Variants in PICALM observed in about 807,000 individuals in gnomAD.
The protein encoded by PICALM is phosphatidylinositol binding clathrin assembly protein.
Under a neutral mutation model 80.5 loss-of-function variants are expected in PICALM, and 40 were observed. The ratio of observed to expected loss-of-function variants is 0.50; its 90% CI spans 0.39 to 0.65. The LOEUF is 0.65. Ranked by LOEUF, PICALM falls within the 30% of genes least tolerant of loss-of-function variation. The pLI, the probability that PICALM is intolerant of heterozygous loss-of-function variation, is 0.00. For synonymous variants in PICALM, 288 were observed against 260.3 expected (o/e 1.11, Z -1.02); for missense variants, 676 against 778.9 (o/e 0.87, Z 1.57).
At chr11:86,015,371 ACT>A (rs1248432762) in intron 4 of PICALM, among the ~76,000 whole-genome samples, 1 of 152,206 alleles carries the variant, frequency 6.6e-6, no homozygotes, top group Non-Finnish European at 1.5e-5. Flanking sequence ...ACAGTTAAAC[ACT>A]CTGTAGGCCA....
intron 1 of PICALM, among the ~76,000 whole-genome samples, chr11:86,050,907 C>G (rs1032405742): frequency 1.3e-5 from 2 of 152,134 alleles, no homozygotes; most frequent in Non-Finnish European, 2.9e-5. Context: ...AAGGTGGCCT[C>G]AAACTACTGG....
Position 85,957,842 on chromosome 11 carries a change from C to A in PICALM, c.*1204G>T. ...ACAATGAACTGTCCTTCTTAAGGCC[C>A]CTCTCCACCCAAATGTTAAAGATGT... On this transcript the variant is annotated 3_prime_UTR_variant, in exon 20 of 20. Coordinates refer to ENST00000393346, the MANE Select transcript of PICALM (RefSeq NM_007166.4). 4.5e-6 allele frequency: 1 copy of A among 223,836 alleles called. No homozygotes were observed. The highest frequency in any genetic ancestry group is 8.9e-6 in the Non-Finnish European group (1 of 111,908). The allele number at this position is 223,836 out of a possible 1,614,324, so 13.9% of individuals were successfully genotyped here. A position where few individuals can be genotyped will look rare whatever the true frequency, so the allele number is the denominator to read the frequency against.
chr11:86,054,010 TC>T (rs2096233055), intron 1 of PICALM, among the ~76,000 whole-genome samples: 1 of 152,194 alleles, frequency 6.6e-6, no homozygotes, highest in South Asian at 2.1e-4. Flanking sequence ...ATTTAACAAA[TC>T]TTATTTATTC....
Position 86,022,469 on chromosome 11 carries a change from C to A in PICALM, c.350G>T (p.Gly117Val). 6.8e-7 allele frequency: 1 copy of A among 1,460,202 alleles called. No homozygotes were observed. Among genetic ancestry groups the A allele is most frequent in the South Asian group, 1.3e-5 (1 of 75,300 alleles). The allele number at this position is 1,460,202 out of a possible 1,614,324, so 90.5% of individuals were successfully genotyped here. Residue 117 changes from glycine to valine, a missense_variant and splice_region_variant, in exon 4 of 20, where the codon GGA becomes GTA. Gly to Val is a moderately radical substitution (Grantham distance 109). Transcript: ENST00000393346. ...CCTAATAAATGTAGACATGTCATAT[C>A]CTGTAAAAAAACAAAAACAAAAACA... ...SNFLDKSGLQ[G>V]YDMSTFIRRY...
chr11:85,974,913 G>T, intron 18 of PICALM, 101 bp from the exon 19 acceptor site: 1 of 803,702 alleles, frequency 1.2e-6, no homozygotes, highest in Non-Finnish European at 2.2e-6. Flanking sequence ...TAGTACCTTT[G>T]CTTGACTCAA....
intron 17 of PICALM, among the ~76,000 whole-genome samples, chr11:85,980,210 C>T (rs1364240702): frequency 3.9e-5 from 6 of 152,160 alleles, no homozygotes; most frequent in African/African-American, 1.4e-4. Flanking sequence ...GACACTCTGC[C>T]TTGGTTCAGC....
At chr11:86,069,163 G>C (rs1189652818), upstream of PICALM, 1 of 222,902 alleles carries the variant, frequency 4.5e-6, no homozygotes, top group Non-Finnish European at 9.1e-6. Context: ...CCCTTCTCCC[G>C]CCCCTTTCCC....
chr11:86,008,200 G>A (rs916122059), intron 7 of PICALM, among the ~76,000 whole-genome samples: 3 of 152,062 alleles, frequency 2.0e-5, no homozygotes, highest in Non-Finnish European at 2.9e-5. Context: ...AGATAGAAAC[G>A]GTTCCTGTGT....
chr11:86,030,594 A>C (rs943550854), intron 2 of PICALM, among the ~76,000 whole-genome samples: 19 of 152,248 alleles, frequency 1.2e-4, no homozygotes, highest in African/African-American at 4.6e-4. Flanking sequence ...GAACCAAAAA[A>C]TTAGCTGCTA....
At chr11:86,050,074 G>A (rs866272819) in intron 1 of PICALM, among the ~76,000 whole-genome samples, 5 of 151,524 alleles carry the variant, frequency 3.3e-5, no homozygotes, top group Admixed American at 2.0e-4. Context: ...GCGTAGTGAT[G>A]AGAGCCTATA....
intron 1 of PICALM, among the ~76,000 whole-genome samples, chr11:86,036,420 T>C (rs2095844155): frequency 6.6e-6 from 1 of 152,216 alleles, no homozygotes; most frequent in African/African-American, 2.4e-5. Flanking sequence ...TTTATATAAC[T>C]TCCAGTAGAA....
At chr11:85,966,038 A>G (rs2093882649) in intron 19 of PICALM, among the ~76,000 whole-genome samples, 1 of 151,664 alleles carries the variant, frequency 6.6e-6, no homozygotes, top group African/African-American at 2.4e-5. Context: ...CCTGGTTTCG[A>G]ACTCTTGACC....
intron 19 of PICALM, among the ~76,000 whole-genome samples, chr11:85,961,394 A>G (rs1484998492): frequency 6.6e-6 from 1 of 152,212 alleles, no homozygotes; most frequent in Non-Finnish European, 1.5e-5. Context: ...CTGTCCACAT[A>G]CTGCCCTGAA....
intron 2 of PICALM, among the ~76,000 whole-genome samples, chr11:86,026,854 T>G (rs1311744166): frequency 1.3e-5 from 2 of 152,224 alleles, no homozygotes; most frequent in East Asian, 3.8e-4. Flanking sequence ...TAGCCTCCAT[T>G]GAAGAACCAC....
At chr11:86,003,496 TG>T in intron 8 of PICALM, 45 bp from the exon 9 acceptor site, 1 of 1,238,960 alleles carries the variant, frequency 8.1e-7, no homozygotes, top group Non-Finnish European at 1.1e-6. Context: ...ATTAGGCCAC[TG>T]GTCAAATTAA....
intron 1 of PICALM, among the ~76,000 whole-genome samples, chr11:86,065,082 A>C (rs980897844): frequency 1.3e-5 from 2 of 152,152 alleles, no homozygotes; most frequent in Admixed American, 6.5e-5. Flanking sequence ...GTATCCAAAA[A>C]AAGGGGTGGG....
rs1173878555 is a variant in PICALM at position 85,996,907 on chromosome 11, G to C, written c.1177C>G (p.Leu393Val). 6.2e-7 allele frequency: 1 copy of C among 1,612,194 alleles called. No individual in the cohort carries two copies. Among genetic ancestry groups the C allele is most frequent in the Non-Finnish European group, 8.5e-7 (1 of 1,178,698 alleles). ...AAAGTTGGCTGCTGCAAATCAAGCA[G>C]ATCATTGGGCAGCTTTGATGTGCTA... ...SNSTSKLPND[L>V]LDLQQPTFHP... Residue 393 changes from leucine (L) to valine (V), a missense_variant, in exon 12 of 20, where the codon CTG (leucine) becomes GTG (valine). This residue lies in a region of PICALM where 391 missense variants were observed against 383.6 expected (regional missense o/e 1.02). Coordinates refer to ENST00000393346, the MANE Select transcript of PICALM (RefSeq NM_007166.4).
chr11:85,993,590 C>T (rs369878275), intron 12 of PICALM, among the ~76,000 whole-genome samples: 24,791 of 151,818 alleles, frequency 0.16, 2,580 homozygotes, highest in Middle Eastern at 0.24. Context: ...AGGTGCACAC[C>T]ACCACACCCA....
intron 11 of PICALM, 111 bp from the exon 12 acceptor site, chr11:85,997,040 C>A (rs2094989355): frequency 1.7e-6 from 1 of 599,764 alleles, no homozygotes; most frequent in South Asian, 2.2e-5. Context: ...GGAGAAAAGT[C>A]TCATTAATAT....
Sources: allele counts gnomAD v4.1 joint callset (sites outside exome capture counted in the v4.1 genomes callset), GRCh38; gene constraint gnomAD v4.1.1; regional missense constraint gnomAD v4.1.1; transcripts MANE v1.5; gene names NCBI Gene and HGNC (gene_info 2026-07-23, HGNC 2026-07-21).